SH3GL2: variants seen among roughly 807,000 people sequenced by gnomAD.
SH3GL2 encodes the protein endophilin-A1.
In SH3GL2, 24 loss-of-function variants were observed where a neutral mutation model predicts 46.0. That is an observed-to-expected ratio of 0.52 (90% CI 0.38 to 0.73). The LOEUF (loss-of-function observed/expected upper bound fraction) is 0.73. Among genes scored for constraint, SH3GL2 ranks in the 30% least tolerant of loss-of-function variants. The pLI is 0.00. For missense variants in SH3GL2, 413 were observed against 424.2 expected (o/e 0.97, Z 0.23); for synonymous variants, 196 against 147.1 (o/e 1.33, Z -2.40).
At chr9:17,739,915 C>A (rs1822474825) in intron 1 of SH3GL2, among the ~76,000 whole-genome samples, 1 of 152,090 alleles carries the variant, frequency 6.6e-6, no homozygotes, top group Admixed American at 6.6e-5. Context: ...TCATACAAAT[C>A]AATTTCTGCA....
Position 17,598,063 on chromosome 9 carries a change from A to G in SH3GL2, c.45+18776A>G, listed in dbSNP as rs147710347. On this transcript the variant is annotated intron_variant, in intron 1 of 8. Transcript: ENST00000380607. ...TTTGTCACAGGTGCAGCAAAGAACA[A>G]TGCTAGGGCACTCTCACGTGGAGGT... is the stretch of plus-strand genomic sequence containing the variant. Among the ~76,000 whole-genome samples, 233 of 152,298 alleles carry G rather than the reference A, an allele frequency of 1.5e-3. 1 individual carries two copies. Among genetic ancestry groups the G allele is most frequent in the African/African-American group, 5.2e-3 (217 of 41,564 alleles).
intron 1 of SH3GL2, among the ~76,000 whole-genome samples, chr9:17,732,727 C>G (rs892017747): frequency 6.6e-6 from 1 of 152,066 alleles, no homozygotes; most frequent in African/African-American, 2.4e-5. Flanking sequence ...TATTGAAGGA[C>G]AGTAAAACCT....
At chr9:17,658,752 T>C (rs1275811468) in intron 1 of SH3GL2, among the ~76,000 whole-genome samples, 1 of 152,220 alleles carries the variant, frequency 6.6e-6, no homozygotes, top group Admixed American at 6.5e-5. Flanking sequence ...TCAGGGTTTC[T>C]TCCAGTATTG....
rs1027871258 is a variant in SH3GL2, at chr9:17,770,202, A to G, written c.187+8693A>G. Reference sequence around the variant, plus strand: ...AGTGTGGATGTGCATACTGTCATGTATAAAATCACTGGGCTGAAGCTATTA... The same window carrying G: ...AGTGTGGATGTGCATACTGTCATGTGTAAAATCACTGGGCTGAAGCTATTA... On this transcript the variant is annotated intron_variant, in intron 3 of 8. Coordinates refer to ENST00000380607, the MANE Select transcript of SH3GL2 (RefSeq NM_003026.5). Among the ~76,000 whole-genome samples, 12 of 152,344 alleles carry G rather than the reference A, an allele frequency of 7.9e-5. No individual in the cohort carries two copies. In the South Asian group the frequency reaches 8.3e-4, roughly 11 times the overall value.
At position 17,605,295 on chromosome 9, in the gene SH3GL2, C is replaced by G. The variant is rs114606688; in HGVS notation, c.45+26008C>G. Among the ~76,000 whole-genome samples the G allele has an allele frequency of 4.6e-3, 694 of 152,142 alleles. 6 individuals are homozygous for G. Among genetic ancestry groups the G allele is most frequent in the African/African-American group, 0.016 (654 of 41,510 alleles). On this transcript the variant is annotated intron_variant, in intron 1 of 8. Transcript: ENST00000380607. ...CAGTAGGCTACAGTTACTTTTGTTTCCAATCCCAGGTAATAGACATCCCCT... is the reference window on the plus strand; with the variant it reads ...CAGTAGGCTACAGTTACTTTTGTTTGCAATCCCAGGTAATAGACATCCCCT...
At chr9:17,600,497 A>G (rs1156989555) in intron 1 of SH3GL2, among the ~76,000 whole-genome samples, 3 of 152,182 alleles carry the variant, frequency 2.0e-5, no homozygotes, top group East Asian at 1.9e-4. Flanking sequence ...AACAGTTTTA[A>G]TAAAGCTTTA....
intron 1 of SH3GL2, among the ~76,000 whole-genome samples, chr9:17,621,727 T>C (rs1819146657): frequency 6.6e-6 from 1 of 152,178 alleles, no homozygotes; most frequent in South Asian, 2.1e-4. Flanking sequence ...AGTGTGCACA[T>C]TACCTGCCTT....
chr9:17,747,525 C>T (rs1214272552), intron 2 of SH3GL2, among the ~76,000 whole-genome samples: 2 of 152,244 alleles, frequency 1.3e-5, no homozygotes, highest in East Asian at 3.9e-4. Context: ...AAGGACCTTC[C>T]TTACTGGATG....
At chr9:17,581,314 G>T (rs1390358787) in intron 1 of SH3GL2, among the ~76,000 whole-genome samples, 1 of 152,212 alleles carries the variant, frequency 6.6e-6, no homozygotes, top group East Asian at 1.9e-4. Context: ...GTCGGCATGT[G>T]ATGCGATACG....
chr9:17,580,454 C>T (rs1458638790), intron 1 of SH3GL2, among the ~76,000 whole-genome samples: 3 of 152,112 alleles, frequency 2.0e-5, no homozygotes, highest in African/African-American at 7.2e-5. Context: ...ATGTAATTCC[C>T]GTCGTGTGTG....
intron 1 of SH3GL2, among the ~76,000 whole-genome samples, chr9:17,664,516 TGAA>T (rs1820296736): frequency 6.6e-6 from 1 of 152,100 alleles, no homozygotes; most frequent in African/African-American, 2.4e-5. Flanking sequence ...TGTCAGACAG[TGAA>T]GAATTTTGAA....
At chr9:17,754,481 G>C (rs903785255) in intron 2 of SH3GL2, among the ~76,000 whole-genome samples, 9 of 152,038 alleles carry the variant, frequency 5.9e-5, no homozygotes, top group Non-Finnish European at 1.3e-4. Context: ...AGACCATCCT[G>C]GCTAACATGG....
intron 1 of SH3GL2, among the ~76,000 whole-genome samples, chr9:17,680,119 G>A (rs1322425301): frequency 6.6e-6 from 1 of 152,068 alleles, no homozygotes; most frequent in Non-Finnish European, 1.5e-5. Context: ...GCCCGGCTTT[G>A]GTATCAGGAT....
chr9:17,685,178 C>G (rs73645134), intron 1 of SH3GL2, among the ~76,000 whole-genome samples: 11,888 of 151,962 alleles, frequency 0.078, 1,027 homozygotes, highest in African/African-American at 0.21. Context: ...TGGATGGAAT[C>G]AAGAGATTTA....
At chr9:17,654,695 CACTG>C (rs1820031228) in intron 1 of SH3GL2, among the ~76,000 whole-genome samples, 1 of 152,152 alleles carries the variant, frequency 6.6e-6, no homozygotes, top group South Asian at 2.1e-4. Flanking sequence ...GTTTAATTAT[CACTG>C]ACTGTATGAA....
intron 1 of SH3GL2, among the ~76,000 whole-genome samples, chr9:17,610,877 T>G (rs1285343392): frequency 2.0e-5 from 3 of 152,162 alleles, no homozygotes; most frequent in Non-Finnish European, 4.4e-5. Context: ...TACTTTATAT[T>G]TAGTAATCTC....
chr9:17,602,126 A>C (rs1818683228), intron 1 of SH3GL2, among the ~76,000 whole-genome samples: 2 of 152,212 alleles, frequency 1.3e-5, no homozygotes, highest in Non-Finnish European at 2.9e-5. Flanking sequence ...AGAAGAAAAG[A>C]CTGAAGAGTG....
chr9:17,779,803 C>T (rs1030141031), intron 3 of SH3GL2, among the ~76,000 whole-genome samples: 12 of 152,112 alleles, frequency 7.9e-5, no homozygotes, highest in Admixed American at 5.9e-4. Context: ...AGCCCAAGAC[C>T]GATTTGCTTG....
At chr9:17,593,547 T>TA (rs1360873072) in intron 1 of SH3GL2, among the ~76,000 whole-genome samples, 1 of 152,172 alleles carries the variant, frequency 6.6e-6, no homozygotes, top group Non-Finnish European at 1.5e-5. Context: ...CCTACATCCT[T>TA]ACAAGGACAC....
Sources: allele counts gnomAD v4.1 joint callset (sites outside exome capture counted in the v4.1 genomes callset), GRCh38; gene constraint gnomAD v4.1.1; transcripts MANE v1.5; gene names NCBI Gene and HGNC (gene_info 2026-07-23, HGNC 2026-07-21).